FRAS1: variants seen among roughly 807,000 people sequenced by gnomAD.
FRAS1 encodes the protein Fraser extracellular matrix complex subunit 1.
FRAS1 carries 290 observed loss-of-function variants against 435.2 expected under a neutral mutation model. The ratio of observed to expected loss-of-function variants is 0.67; its 90% CI spans 0.61 to 0.73. FRAS1 has a LOEUF of 0.73. Ranked by LOEUF, FRAS1 falls within the 30% of genes least tolerant of loss-of-function variation. FRAS1 has a pLI of 0.00. For missense variants in FRAS1, 4,860 were observed against 5,001.5 expected (o/e 0.97, Z 0.85); for synonymous variants, 1,800 against 1,851.0 (o/e 0.97, Z 0.71).
chr4:78,171,986 A>C (rs1482295782), intron 2 of FRAS1, among the ~76,000 whole-genome samples: 1 of 152,206 alleles, frequency 6.6e-6, no homozygotes, highest in Middle Eastern at 3.4e-3. Flanking sequence ...TTCTCAAGTC[A>C]AGAATAGCTT....
chr4:78,100,627 T>C (rs1372329067), intron 2 of FRAS1, among the ~76,000 whole-genome samples: 1 of 152,206 alleles, frequency 6.6e-6, no homozygotes, highest in Non-Finnish European at 1.5e-5. Context: ...CTGCCTTTGT[T>C]TTTATTATCT....
At chr4:78,138,209 G>A (rs1410327292) in intron 2 of FRAS1, among the ~76,000 whole-genome samples, 1 of 152,186 alleles carries the variant, frequency 6.6e-6, no homozygotes, top group Admixed American at 6.5e-5. Context: ...TTTTGCAGTT[G>A]CTCTCATTTT....
intron 2 of FRAS1, among the ~76,000 whole-genome samples, chr4:78,094,176 T>C (rs1741676497): frequency 6.7e-6 from 1 of 150,100 alleles, no homozygotes; most frequent in African/African-American, 2.4e-5. Flanking sequence ...TACATCTCTA[T>C]ATTATCTATA....
intron 61 of FRAS1, among the ~76,000 whole-genome samples, chr4:78,500,707 T>C (rs953990575): frequency 6.6e-6 from 1 of 152,120 alleles, no homozygotes; most frequent in African/African-American, 2.4e-5. Flanking sequence ...GTCTTTATTT[T>C]CTCTCCCCTC....
At chr4:78,227,498 C>T (rs1027502461) in intron 2 of FRAS1, among the ~76,000 whole-genome samples, 6 of 152,192 alleles carry the variant, frequency 3.9e-5, no homozygotes, top group African/African-American at 1.4e-4. Context: ...GGGCCTCTGC[C>T]AGGTTTAGAA....
intron 14 of FRAS1, among the ~76,000 whole-genome samples, chr4:78,292,021 A>G (rs925883423): frequency 2.6e-5 from 4 of 152,244 alleles, no homozygotes; most frequent in African/African-American, 9.6e-5. Flanking sequence ...AACCATTATT[A>G]TGAAGGTTAG....
intron 2 of FRAS1, among the ~76,000 whole-genome samples, chr4:78,096,060 A>T (rs1031226792): frequency 6.6e-6 from 1 of 152,228 alleles, no homozygotes; most frequent in Non-Finnish European, 1.5e-5. Context: ...TACTTCCTAG[A>T]TACAATGGAG....
At chr4:78,446,704 C>A (rs752732153) in intron 42 of FRAS1, 23 bp from the exon 43 acceptor site, 2 of 1,605,700 alleles carry the variant, frequency 1.2e-6, no homozygotes, top group South Asian at 1.1e-5. Context: ...TGTGTGAGAT[C>A]TAATAGTTTA....
At chr4:78,440,444 C>T (rs1247659826) in intron 40 of FRAS1, among the ~76,000 whole-genome samples, 1 of 152,114 alleles carries the variant, frequency 6.6e-6, no homozygotes, top group Non-Finnish European at 1.5e-5. Context: ...AGTGACCTTC[C>T]CCTTTGTAAT....
intron 35 of FRAS1, among the ~76,000 whole-genome samples, chr4:78,425,420 G>T (rs1733961041): frequency 6.6e-6 from 1 of 152,074 alleles, no homozygotes; most frequent in Non-Finnish European, 1.5e-5. Context: ...TTCTTGTTTA[G>T]GTCTATAGTG....
At chr4:78,072,860 A>T (rs1740427998) in intron 2 of FRAS1, among the ~76,000 whole-genome samples, 1 of 152,134 alleles carries the variant, frequency 6.6e-6, no homozygotes, top group Non-Finnish European at 1.5e-5. Context: ...TTAGCAAGGT[A>T]ATGAGCTCCT....
intron 2 of FRAS1, among the ~76,000 whole-genome samples, chr4:78,092,629 G>A (rs142135695): frequency 6.6e-6 from 1 of 152,158 alleles, no homozygotes; most frequent in African/African-American, 2.4e-5. Context: ...GATGAGATTT[G>A]GGTGTGGACA....
chr4:78,274,272 G>T (rs929892179), intron 9 of FRAS1, among the ~76,000 whole-genome samples: 2 of 151,564 alleles, frequency 1.3e-5, no homozygotes, highest in African/African-American at 2.4e-5. Context: ...CTAGCTCCTG[G>T]ATTCATTGAT....
chr4:78,521,683 A>C, intron 68 of FRAS1, 53 bp downstream of exon 68: 1 of 1,105,564 alleles, frequency 9.0e-7, no homozygotes, highest in African/African-American at 1.6e-5. Flanking sequence ...AACATTTCAC[A>C]CATACAGAAA....
intron 2 of FRAS1, among the ~76,000 whole-genome samples, chr4:78,208,136 C>T (rs79494871): frequency 0.027 from 4,058 of 152,252 alleles, 165 homozygotes; most frequent in African/African-American, 0.089. Context: ...GCAGACAACC[C>T]CCACTAACAG....
intron 73 of FRAS1, among the ~76,000 whole-genome samples, 170 bp from the exon 74 acceptor site, chr4:78,540,361 G>T (rs1722009496): frequency 6.6e-6 from 1 of 152,184 alleles, no homozygotes; most frequent in Non-Finnish European, 1.5e-5. Flanking sequence ...AAATAAAATA[G>T]AACCCATATC....
intron 2 of FRAS1, among the ~76,000 whole-genome samples, chr4:78,159,506 T>C (rs1721045149): frequency 6.6e-6 from 1 of 152,194 alleles, no homozygotes; most frequent in South Asian, 2.1e-4. Context: ...AATTGTGACA[T>C]TGTTCTTGAC....
Position 78,477,977 on chromosome 4 carries a change from G to A in FRAS1, c.8014G>A (p.Asp2672Asn). ...QAKVIINDTE[D>N]EPTLEFDKKI... ...GAAGGTCATTATCAACGATACCGAG[G>A]ATGAACCCACATTAGAGTTTGACAA... Residue 2672 changes from aspartate to asparagine, a missense_variant, in exon 55 of 74, where the codon GAT becomes AAT. Transcript: ENST00000512123. 6.2e-7 allele frequency: 1 copy of A among 1,612,632 alleles called. No individual in the cohort carries two copies. Among genetic ancestry groups the A allele is most frequent in the Non-Finnish European group, 8.5e-7 (1 of 1,179,406 alleles).
intron 35 of FRAS1, among the ~76,000 whole-genome samples, chr4:78,425,589 A>G (rs548625418): frequency 2.6e-4 from 39 of 152,290 alleles, no homozygotes; most frequent in Non-Finnish European, 4.9e-4. Context: ...CCTTTCTTCT[A>G]TGAGGATTAA....
Sources: gnomAD v4.1 joint callset for allele counts (sites outside exome capture counted in the v4.1 genomes callset) on GRCh38, gnomAD v4.1.1 for gene constraint, MANE v1.5 for transcripts, NCBI Gene and HGNC (gene_info 2026-07-23, HGNC 2026-07-21) for gene names.